ADGRV1: variants seen among roughly 807,000 people sequenced by gnomAD.
ADGRV1 encodes the protein G-protein coupled receptor 98.
ADGRV1 carries 359 observed loss-of-function variants against 596.2 expected under a neutral mutation model. The observed-to-expected ratio is 0.60, with a 90% CI of 0.55 to 0.66. The LOEUF (loss-of-function observed/expected upper bound fraction) is 0.66. Among genes scored for constraint, ADGRV1 ranks in the 30% least tolerant of loss-of-function variants. ADGRV1 has a pLI of 0.00. For synonymous variants in ADGRV1, 2,681 were observed against 2,679.2 expected (o/e 1.00, Z -0.02); for missense variants, 7,274 against 7,575.6 (o/e 0.96, Z 1.48).
In ADGRV1 at chr5:90,683,471, G is replaced by T. The variant is rs1745205067; in HGVS notation, c.5665-115G>T. 4.8e-6 allele frequency: 4 copies of T among 832,392 alleles called. No individual in the cohort carries two copies. In the Admixed American group the frequency reaches 1.2e-4, roughly 24 times the overall value. The allele number at this position is 832,392 out of a possible 1,614,324, so 51.6% of individuals were successfully genotyped here. ...CCTGCCTGCAGCAGTCTTGTAGTCT[G>T]GAGAAGAACTTATATAAAATAAAAT... On this transcript the variant is annotated intron_variant, in intron 27 of 89. Transcript: ENST00000405460.
chr5:90,587,325 C>T (rs1352027043), intron 1 of ADGRV1, among the ~76,000 whole-genome samples: 1 of 152,000 alleles, frequency 6.6e-6, no homozygotes, highest in African/African-American at 2.4e-5. Flanking sequence ...GTGCTGCTTC[C>T]TTGTAGTGGG....
rs761593166 is a variant in ADGRV1, at chr5:90,692,724, G to C, written c.7071G>C (p.Met2357Ile). ...DPYGTVAFAQ[M>I]VYRVQEPLER... The stretch of plus-strand genomic sequence containing the variant: ...ATGGTACAGTAGCCTTTGCTCAGAT[G>C]GTTTATCGTGTTCAAGAGCCTCTGG... The change falls in exon 32 of 90, where the codon ATG becomes ATC. Residue 2357 changes from methionine (M) to isoleucine (I), a missense_variant. Met to Ile is a conservative substitution (Grantham distance 10). Coordinates refer to ENST00000405460, the MANE Select transcript of ADGRV1 (RefSeq NM_032119.4). The C allele has an allele frequency of 1.1e-5, 18 of 1,609,112 alleles. No homozygotes were observed. Among genetic ancestry groups the C allele is most frequent in the Non-Finnish European group, 1.4e-5 (16 of 1,177,736 alleles).
intron 69 of ADGRV1, 106 bp downstream of exon 69, chr5:90,789,957 T>A: frequency 1.3e-6 from 1 of 767,702 alleles, no homozygotes; most frequent in Non-Finnish European, 1.8e-6. Flanking sequence ...TTTGATAAAC[T>A]AAAGTTACGT....
At chr5:90,786,103 A>T (rs541080733) in intron 67 of ADGRV1, among the ~76,000 whole-genome samples, 1 of 152,276 alleles carries the variant, frequency 6.6e-6, no homozygotes, top group South Asian at 2.1e-4. Flanking sequence ...CTTTGCAGGG[A>T]CATGGATGAA....
At chr5:90,596,635 C>T (rs1048976096) in intron 1 of ADGRV1, among the ~76,000 whole-genome samples, 3 of 152,250 alleles carry the variant, frequency 2.0e-5, no homozygotes, top group African/African-American at 4.8e-5. Context: ...CAAAAAAATA[C>T]GAAAACCAGT....
At chr5:90,983,029 A>C (rs1037837130) in intron 84 of ADGRV1, among the ~76,000 whole-genome samples, 8 of 152,256 alleles carry the variant, frequency 5.3e-5, no homozygotes, top group Non-Finnish European at 1.2e-4. Flanking sequence ...ATTACATTCT[A>C]GTATTTCTAG....
At position 90,629,494 on chromosome 5, in the gene ADGRV1, A is replaced by G. The variant is rs778289498; in HGVS notation, c.1794A>G (p.Ile598Met). Residue 598 changes from isoleucine (I) to methionine (M), a missense_variant, in exon 9 of 90, where the codon ATA becomes ATG. By Grantham distance (10) the Ile-to-Met change is conservative (BLOSUM62 1). Transcript: ENST00000405460. ...QKTQVTTKLP[I>M]RNDAFLQNGA... ...CTCAAGTCACTACAAAATTACCAATAAGAAATGATGCATTCCTTCAAAATG... is the reference window on the plus strand; with the variant it reads ...CTCAAGTCACTACAAAATTACCAATGAGAAATGATGCATTCCTTCAAAATG... 1.9e-6 allele frequency: 3 copies of G among 1,613,316 alleles called. No homozygotes were observed. The highest frequency in any genetic ancestry group is 4.5e-5 in the East Asian group (2 of 44,854).
chr5:90,892,567 A>G (rs1265778319), intron 83 of ADGRV1, among the ~76,000 whole-genome samples: 1 of 152,154 alleles, frequency 6.6e-6, no homozygotes, highest in East Asian at 1.9e-4. Flanking sequence ...GTTTTGACAT[A>G]TATGTATATA....
chr5:90,705,601 A>G, intron 37 of ADGRV1, 22 bp downstream of exon 37: 1 of 1,597,908 alleles, frequency 6.3e-7, no homozygotes, highest in Non-Finnish European at 8.6e-7. Flanking sequence ...TCTAGAATGA[A>G]TGGGGTTTCC....
chr5:90,711,198 A>G lies in ADGRV1; in HGVS notation c.8918A>G (p.Glu2973Gly), dbSNP rs768840634. The G allele has an allele frequency of 2.5e-6, 4 of 1,611,802 alleles. No individual in the cohort carries two copies. The East Asian group carries it at 8.9e-5, about 36-fold the overall frequency. The change falls in exon 41 of 90, where the codon GAA (glutamate) becomes GGA (glycine). Residue 2973 changes from glutamate to glycine, a missense_variant. Physicochemically the swap from Glu to Gly is moderately conservative, Grantham distance 98 (BLOSUM62 -2). This residue lies in a region of ADGRV1 where 3,643 missense variants were observed against 3,809.2 expected (regional missense o/e 0.96). Coordinates refer to ENST00000405460, the MANE Select transcript of ADGRV1 (RefSeq NM_032119.4). Reference protein sequence around the residue: ...EWQQSRFEVNETHGSLTLVAQ... With the variant: ...EWQQSRFEVNGTHGSLTLVAQ... ...CTATATTATAGGTTTGAAGTAAATG[A>G]AACCCATGGAAGTTTAACATTGGTA...
At chr5:90,815,053 C>T (rs1031005195) in intron 74 of ADGRV1, among the ~76,000 whole-genome samples, 4 of 151,660 alleles carry the variant, frequency 2.6e-5, no homozygotes, top group Non-Finnish European at 4.4e-5. Flanking sequence ...TTTCTGATAC[C>T]GAGATGCTCA....
chr5:90,622,747 A>G, intron 5 of ADGRV1, 46 bp downstream of exon 5: 1 of 933,454 alleles, frequency 1.1e-6, no homozygotes, highest in Non-Finnish European at 1.5e-6. Flanking sequence ...TTTTATTTTT[A>G]TTTATTTATT....
chr5:90,691,358 T>C (rs1746445018), intron 31 of ADGRV1, among the ~76,000 whole-genome samples: 1 of 150,734 alleles, frequency 6.6e-6, no homozygotes. Context: ...TAATTTATAA[T>C]ACATTTGCTC....
At chr5:91,163,347 C>T (rs1412072034) in intron 89 of ADGRV1, among the ~76,000 whole-genome samples, 4 of 152,186 alleles carry the variant, frequency 2.6e-5, no homozygotes, top group Non-Finnish European at 5.9e-5. Context: ...AGATCACTGC[C>T]CAACACTGAA....
At position 90,966,188 on chromosome 5, in the gene ADGRV1, C is replaced by T. The variant is rs1412775066; in HGVS notation, c.17973+657C>T. Among the ~76,000 whole-genome samples the T allele has an allele frequency of 2.0e-5, 3 of 151,974 alleles. No homozygotes were observed. The East Asian group carries it at 5.8e-4, about 29-fold the overall frequency. ...ACAATGGGGAAGAGCTGGTGAGTTT[C>T]GTTTGGGACATGCTGAATGTGAAGT... On this transcript the variant is annotated intron_variant, in intron 84 of 89. Transcript: ENST00000405460.
chr5:90,654,092 A>G (rs1769055262), intron 20 of ADGRV1, 140 bp downstream of exon 20: 7 of 848,524 alleles, frequency 8.2e-6, no homozygotes, highest in South Asian at 4.7e-5. Context: ...AATCAAAACT[A>G]TGTGCCTACC....
At chr5:91,074,056 A>T (rs536090777) in intron 86 of ADGRV1, among the ~76,000 whole-genome samples, 2 of 152,242 alleles carry the variant, frequency 1.3e-5, no homozygotes, top group Non-Finnish European at 2.9e-5. Flanking sequence ...AAAATATTCA[A>T]TGTATAAATT....
intron 1 of ADGRV1, among the ~76,000 whole-genome samples, chr5:90,563,335 AT>A (rs1204662553): frequency 6.6e-6 from 1 of 152,228 alleles, no homozygotes; most frequent in Non-Finnish European, 1.5e-5. Context: ...GCTAGGTCTT[AT>A]GTAATCCTTT....
rs1337979901 is a variant in ADGRV1, at chr5:90,596,005, C to T, written c.23-18830C>T. On this transcript the variant is annotated intron_variant, in intron 1 of 89. Transcript: ENST00000405460. ...CTCACTTTTCAGACGGGGCGGCTGC[C>T]GGGCGGAGAGGCTCCTCACTTCTCA... Among the ~76,000 whole-genome samples the T allele has an allele frequency of 9.5e-5, 14 of 148,008 alleles. 1 individual carries two copies. Among genetic ancestry groups the T allele is most frequent in the South Asian group, 2.2e-4 (1 of 4,622 alleles).
Sources: gnomAD v4.1 joint callset for allele counts (sites outside exome capture counted in the v4.1 genomes callset) on GRCh38, gnomAD v4.1.1 for gene constraint, gnomAD v4.1.1 regional missense constraint, MANE v1.5 for transcripts, NCBI Gene and HGNC (gene_info 2026-07-23, HGNC 2026-07-21) for gene names.